The following TTC39B variants were observed in gnomAD, a reference collection of about 807,000 sequenced individuals.
TTC39B encodes the protein tetratricopeptide repeat domain 39B, also known as tetratricopeptide repeat protein 39B.
In TTC39B, 92 loss-of-function variants were observed where a neutral mutation model predicts 96.6. The ratio of observed to expected loss-of-function variants is 0.95; its 90% CI spans 0.80 to 1.13. TTC39B has a LOEUF of 1.13. Among genes scored for constraint, TTC39B ranks in the 50% most tolerant of loss-of-function variants. The pLI is 0.00. For synonymous variants in TTC39B, 367 were observed against 299.4 expected, an observed-to-expected ratio of 1.23 and a Z score of -2.33; for missense variants, 955 against 809.3, an observed-to-expected ratio of 1.18 and a Z score of -2.18.
chr9:15,193,342 A>C (rs2118829785), intron 8 of TTC39B, among the ~76,000 whole-genome samples: 1 of 152,374 alleles, frequency 6.6e-6, no homozygotes, highest in Non-Finnish European at 1.5e-5. Context: ...ACAAATTAAA[A>C]CAATGACAAA....
At chr9:15,302,954 G>A (rs1461567798) in intron 1 of TTC39B, among the ~76,000 whole-genome samples, 1 of 152,168 alleles carries the variant, frequency 6.6e-6, no homozygotes, top group Non-Finnish European at 1.5e-5. Flanking sequence ...CGGATCACGA[G>A]GTCAAGAGAT....
At chr9:15,188,923 G>A (rs1818691328) in intron 13 of TTC39B, among the ~76,000 whole-genome samples, 1 of 152,020 alleles carries the variant, frequency 6.6e-6, no homozygotes, top group Admixed American at 6.6e-5. Context: ...GTGGCCAAAT[G>A]TCTATGGACC....
intron 12 of TTC39B, 26 bp from the exon 13 acceptor site, chr9:15,189,659 T>C (rs756267611): frequency 6.2e-7 from 1 of 1,614,132 alleles, no homozygotes. Context: ...GAAAACACAC[T>C]GTTCAACAGT....
chr9:15,276,808 T>C lies in TTC39B; in HGVS notation c.241-8860A>G, dbSNP rs564269106. Among the ~76,000 whole-genome samples, 59 of 152,266 alleles carry C rather than the reference T, an allele frequency of 3.9e-4. 1 individual carries two copies. The South Asian group carries it at 0.012, about 32-fold the overall frequency. On this transcript the variant is annotated intron_variant, in intron 1 of 19. Coordinates refer to ENST00000512701, the Ensembl canonical transcript of TTC39B. ...TACAATAAAGATTCCAGCCGCCCAC[T>C]GGGATTGTAAGGATGTGAGATAACT...
At chr9:15,295,142 C>T (rs1026711940) in intron 1 of TTC39B, among the ~76,000 whole-genome samples, 1 of 152,006 alleles carries the variant, frequency 6.6e-6, no homozygotes, top group East Asian at 1.9e-4. Context: ...ACTTAAACAC[C>T]CCAGAAGGTC....
chr9:15,302,420 G>C lies in TTC39B; in HGVS notation c.240+4664C>G, dbSNP rs947855396. On this transcript the variant is annotated intron_variant, in intron 1 of 19. Transcript: ENST00000512701. ...TCACAAGGTCAGGAGTTCGAGACCA[G>C]CCTGGCCAATATGGTGAAACCTCGT... Among the ~76,000 whole-genome samples the C allele has an allele frequency of 2.7e-5, 4 of 150,068 alleles. 1 individual carries two copies. In the Admixed American group the frequency reaches 2.7e-4, roughly 10 times the overall value.
chr9:15,199,607 C>T (rs944679290), intron 8 of TTC39B, among the ~76,000 whole-genome samples: 4 of 151,148 alleles, frequency 2.6e-5, no homozygotes, highest in Non-Finnish European at 5.9e-5. Flanking sequence ...TGGTGGCGGG[C>T]GCCTGTAGTC....
intron 2 of TTC39B, among the ~76,000 whole-genome samples, chr9:15,240,537 T>A (rs985325114): frequency 5.3e-5 from 8 of 152,178 alleles, no homozygotes; most frequent in Non-Finnish European, 1.2e-4. Context: ...TAATGTACCA[T>A]TTTAACAATA....
At chr9:15,204,060 AGGAAGATTTTCCT>A (rs1416904783) in intron 6 of TTC39B, among the ~76,000 whole-genome samples, 170 bp from the exon 7 acceptor site, 1 of 152,178 alleles carries the variant, frequency 6.6e-6, no homozygotes, top group Non-Finnish European at 1.5e-5. Flanking sequence ...TCACTTTGTC[AGGAAGATTTTCCT>A]GGAATGTGTG....
chr9:15,175,389 C>T (rs1817879446), intron 18 of TTC39B, among the ~76,000 whole-genome samples: 1 of 152,112 alleles, frequency 6.6e-6, no homozygotes, highest in Admixed American at 6.5e-5. Context: ...TAAATCAGCG[C>T]ATACGGATCT....
chr9:15,227,949 T>C (rs901772220), intron 2 of TTC39B, among the ~76,000 whole-genome samples: 3 of 152,216 alleles, frequency 2.0e-5, no homozygotes, highest in African/African-American at 7.2e-5. Context: ...TAGTTTTACC[T>C]GTGTTTTACT....
intron 8 of TTC39B, among the ~76,000 whole-genome samples, chr9:15,194,596 G>C (rs1373154418): frequency 6.6e-6 from 1 of 152,246 alleles, no homozygotes; most frequent in Non-Finnish European, 1.5e-5. Context: ...TTGAAGATTT[G>C]TGGCAACTCT....
At position 15,284,742 on chromosome 9, in the gene TTC39B, G is replaced by A. The variant is rs147949571; in HGVS notation, c.241-16794C>T. ...GCTGGTCTCTTCTGAGGAGAGGAAG[G>A]GAGGGAATATAGTAAAGGCAAAAAT... On this transcript the variant is annotated intron_variant, in intron 1 of 19. Transcript: ENST00000512701. Among the ~76,000 whole-genome samples, 741 of 152,160 alleles carry A rather than the reference G, an allele frequency of 4.9e-3. 5 individuals are homozygous for A. Among genetic ancestry groups the A allele is most frequent in the African/African-American group, 0.017 (710 of 41,502 alleles).
At position 15,172,114 on chromosome 9, in the gene TTC39B, A is replaced by C; in HGVS notation, c.1959-5T>G. On this transcript the variant is annotated splice_region_variant and splice_polypyrimidine_tract_variant and intron_variant, in intron 19 of 19. Transcript: ENST00000512701. ...GAGTAATCTTTGTAGTTGTTCCTGA[A>C]GACAATAACAATAAAATTGTACAGT... The C allele has an allele frequency of 2.5e-6, 4 of 1,606,550 alleles. No homozygotes were observed. The highest frequency in any genetic ancestry group is 2.7e-5 in the African/African-American group (2 of 74,870).
chr9:15,208,095 T>C (rs560586442), intron 6 of TTC39B, among the ~76,000 whole-genome samples: 27 of 151,260 alleles, frequency 1.8e-4, no homozygotes, highest in African/African-American at 6.3e-4. Context: ...AGTGGCGCGA[T>C]CTCGGCTCAC....
chr9:15,277,135 A>T (rs12335768), intron 1 of TTC39B, among the ~76,000 whole-genome samples: 17,737 of 152,134 alleles, frequency 0.12, 1,549 homozygotes, highest in African/African-American at 0.25. Context: ...AGCATAAAAA[A>T]CATAATTTAT....
At chr9:15,251,700 CATATATATATATATATATAT>C (rs57422881) in intron 2 of TTC39B, among the ~76,000 whole-genome samples, 7,993 of 98,382 alleles carry the variant, frequency 0.081, 785 homozygotes, top group African/African-American at 0.21. Flanking sequence ...CATACATATA[CATATATATATATATATATAT>C]ATATATATAT....
At chr9:15,181,280 G>A (rs555715277) in intron 17 of TTC39B, among the ~76,000 whole-genome samples, 22 of 152,072 alleles carry the variant, frequency 1.4e-4, no homozygotes, top group Non-Finnish European at 2.8e-4. Flanking sequence ...CATCACAGAA[G>A]TTTTCATTTT....
intron 1 of TTC39B, among the ~76,000 whole-genome samples, chr9:15,287,310 A>G (rs1019674988): frequency 6.6e-6 from 1 of 152,232 alleles, no homozygotes. Flanking sequence ...ACATCTGACA[A>G]AGCTGAATGG....
Sources: allele counts gnomAD v4.1 joint callset (sites outside exome capture counted in the v4.1 genomes callset), GRCh38; gene constraint gnomAD v4.1.1; transcripts MANE v1.5; gene names NCBI Gene and HGNC (gene_info 2026-07-23, HGNC 2026-07-21).